MYL10: variants seen among roughly 807,000 people sequenced by gnomAD.
The protein encoded by MYL10 is myosin regulatory light chain 10.
A neutral mutation model predicts 21.9 loss-of-function variants in MYL10; 18 were observed. The ratio of observed to expected loss-of-function variants is 0.82; its 90% CI spans 0.57 to 1.22. MYL10 has a LOEUF of 1.22. Among genes scored for constraint, MYL10 ranks in the 50% most tolerant of loss-of-function variants. MYL10 has a pLI of 0.00. For synonymous variants in MYL10, 88 were observed against 82.8 expected (o/e 1.06, Z -0.34); for missense variants, 225 against 230.4 (o/e 0.98, Z 0.15).
At chr7:101,616,850 G>T (rs992750450) in intron 5 of MYL10, among the ~76,000 whole-genome samples, 2 of 152,256 alleles carry the variant, frequency 1.3e-5, no homozygotes, top group Non-Finnish European at 2.9e-5. Context: ...CCAGAAGTGG[G>T]GCAGGTGGGC....
intron 4 of MYL10, 150 bp downstream of exon 4, chr7:101,622,847 C>G (rs34594091): frequency 3.3e-4 from 217 of 655,072 alleles, no homozygotes; most frequent in South Asian, 7.5e-4. Flanking sequence ...AAGGTCCCCC[C>G]CTGACTTTCC....
chr7:101,624,159 G>C lies in MYL10; in HGVS notation c.171+13C>G, dbSNP rs1796716328. On this transcript the variant is annotated intron_variant, in intron 2 of 7. Transcript: ENST00000223167. ...AGAATCCTCATAACAGCCCCATGGG[G>C]CAGCAGACCAACCTCTTTAAACTCC... is the stretch of plus-strand genomic sequence containing the variant. The C allele has an allele frequency of 1.9e-6, 3 of 1,567,042 alleles. No homozygotes were observed. Among genetic ancestry groups the C allele is most frequent in the Non-Finnish European group, 2.6e-6 (3 of 1,139,360 alleles).
intron 5 of MYL10, among the ~76,000 whole-genome samples, chr7:101,617,938 T>G (rs1289751887): frequency 6.9e-6 from 1 of 145,510 alleles, no homozygotes; most frequent in Non-Finnish European, 1.5e-5. Flanking sequence ...CCTCATCTGT[T>G]CCTCCCCCAT....
At chr7:101,625,112 T>C (rs1796728974) in intron 1 of MYL10, among the ~76,000 whole-genome samples, 1 of 152,198 alleles carries the variant, frequency 6.6e-6, no homozygotes, top group South Asian at 2.1e-4. Context: ...GATCAGCCAG[T>C]GCTTGGAAAT....
At chr7:101,615,696 TC>T (rs1275715662) in intron 6 of MYL10, among the ~76,000 whole-genome samples, 2 of 134,448 alleles carry the variant, frequency 1.5e-5, no homozygotes, top group East Asian at 3.9e-4. Flanking sequence ...CACCACTTCT[TC>T]TTTTTTTTTT....
chr7:101,619,369 G>A (rs1796649081), intron 5 of MYL10, among the ~76,000 whole-genome samples: 1 of 152,112 alleles, frequency 6.6e-6, no homozygotes, highest in Admixed American at 6.5e-5. Context: ...TTCAAAGCCT[G>A]CTCCAGATGA....
At position 101,613,611 on chromosome 7, in the gene MYL10, G is replaced by A. The variant is rs1174584548; in HGVS notation, c.583-38C>T. The A allele has an allele frequency of 1.9e-6, 3 of 1,613,598 alleles. No individual in the cohort carries two copies. In the Admixed American group the frequency reaches 5.0e-5, roughly 27 times the overall value. On this transcript the variant is annotated intron_variant, in intron 7 of 7. Transcript: ENST00000223167. ...AGAGAGTCAGCCTGCACCAGGCCAA[G>A]TGGGGGCCAGAGCAGAGAATCCGCC...
intron 5 of MYL10, among the ~76,000 whole-genome samples, chr7:101,620,231 G>A (rs1335352811): frequency 2.0e-5 from 3 of 152,120 alleles, no homozygotes; most frequent in South Asian, 2.1e-4. Context: ...AGGCTGAAGC[G>A]TGAGAATCGC....
Position 101,613,464 on chromosome 7 carries a change from C to G in MYL10, c.*11G>C, listed in dbSNP as rs186075037. 2.5e-6 allele frequency: 4 copies of G among 1,610,906 alleles called. No individual in the cohort carries two copies. Among genetic ancestry groups the G allele is most frequent in the Middle Eastern group, 1.7e-4 (1 of 6,052 alleles). ...TTGCTGCCCCTGAATGTCGGGGAGA[C>G]TTGTGATCCCCTAATCCTTCTCTTC... On this transcript the variant is annotated 3_prime_UTR_variant, in exon 8 of 8. Transcript: ENST00000223167.
chr7:101,628,331 T>C (rs1446495765), intron 1 of MYL10, among the ~76,000 whole-genome samples: 2 of 152,070 alleles, frequency 1.3e-5, no homozygotes, highest in African/African-American at 4.8e-5. Flanking sequence ...TGGTGTGCTC[T>C]TGTAGTCCCA....
chr7:101,624,322 C>T, intron 1 of MYL10, 58 bp from the exon 2 acceptor site: 1 of 1,337,954 alleles, frequency 7.5e-7, no homozygotes, highest in Non-Finnish European at 1.1e-6. Flanking sequence ...CAGCCCCCAC[C>T]CCCTGTCTCA....
intron 5 of MYL10, among the ~76,000 whole-genome samples, chr7:101,618,475 C>T (rs1389003700): frequency 2.6e-5 from 4 of 152,218 alleles, no homozygotes; most frequent in East Asian, 1.9e-4. Context: ...TATCCCCCTG[C>T]GGACAATGCA....
At chr7:101,618,246 G>C (rs1380057565) in intron 5 of MYL10, among the ~76,000 whole-genome samples, 1 of 152,236 alleles carries the variant, frequency 6.6e-6, no homozygotes, top group Non-Finnish European at 1.5e-5. Context: ...AGGGTGCAGC[G>C]AGGGCAGGGC....
At chr7:101,616,889 G>A (rs1796615921) in intron 5 of MYL10, among the ~76,000 whole-genome samples, 1 of 152,240 alleles carries the variant, frequency 6.6e-6, no homozygotes, top group Non-Finnish European at 1.5e-5. Context: ...GATTCACGGG[G>A]GCAGAAGTGA....
At chr7:101,622,848 C>T (rs1019942889) in intron 4 of MYL10, 149 bp downstream of exon 4, 6 of 664,964 alleles carry the variant, frequency 9.0e-6, no homozygotes, top group Admixed American at 2.9e-5. Context: ...AGGTCCCCCC[C>T]TGACTTTCCA....
At chr7:101,622,842 C>T (rs1053601506) in intron 4 of MYL10, among the ~76,000 whole-genome samples, 155 bp downstream of exon 4, 1 of 152,002 alleles carries the variant, frequency 6.6e-6, no homozygotes, top group East Asian at 1.9e-4. Context: ...CCAGGAAGGT[C>T]CCCCCCTGAC....
At position 101,624,214 on chromosome 7, in the gene MYL10, G is replaced by C. The variant is rs1184822998; in HGVS notation, c.129C>G (p.Val43=). 6.2e-7 allele frequency: 1 copy of C among 1,613,784 alleles called. No individual in the cohort carries two copies. Among genetic ancestry groups the C allele is most frequent in the African/African-American group, 1.3e-5 (1 of 74,894 alleles). The change falls in exon 2 of 8, where the codon GTC becomes GTG. Residue 43 remains valine, a synonymous_variant. Coordinates refer to ENST00000223167, the MANE Select transcript of MYL10 (RefSeq NM_138403.5). ...KRAEGTASSN[V]FSMFDQSQIQ... Reference sequence around the variant, plus strand: ...TCTGGGACTGATCAAACATGGAGAAGACGTTGGAGCTGGCGGTGCCTTCTG... The same window carrying C: ...TCTGGGACTGATCAAACATGGAGAACACGTTGGAGCTGGCGGTGCCTTCTG...
intron 6 of MYL10, 53 bp from the exon 7 acceptor site, chr7:101,613,763 A>C: frequency 6.3e-7 from 1 of 1,575,408 alleles, no homozygotes; most frequent in Non-Finnish European, 8.7e-7. Flanking sequence ...CCCAGCTTGA[A>C]CATGCAGATC....
intron 5 of MYL10, 99 bp from the exon 6 acceptor site, chr7:101,616,397 C>T: frequency 2.3e-6 from 2 of 878,922 alleles, no homozygotes; most frequent in South Asian, 1.4e-5. Flanking sequence ...GGGGCAAGTC[C>T]CACGGCCCCT....
Sources: gnomAD v4.1 joint callset for allele counts (sites outside exome capture counted in the v4.1 genomes callset) on GRCh38, gnomAD v4.1.1 for gene constraint, MANE v1.5 for transcripts, NCBI Gene and HGNC (gene_info 2026-07-23, HGNC 2026-07-21) for gene names.